The following CPNE4 variants were observed in gnomAD, a reference collection of about 807,000 sequenced individuals.
The protein encoded by CPNE4 is copine 4.
Under a neutral mutation model 67.9 loss-of-function variants are expected in CPNE4, and 25 were observed. The observed-to-expected ratio is 0.37, with a 90% CI of 0.27 to 0.51. The LOEUF is 0.51. CPNE4 is among the 20% of genes least tolerant of loss of function. The pLI, the probability that CPNE4 is intolerant of heterozygous loss-of-function variation, is 0.93. For missense variants in CPNE4, 464 were observed against 690.8 expected (o/e 0.67, Z 3.68); for synonymous variants, 242 against 244.9 (o/e 0.99, Z 0.11).
At position 131,629,478 on chromosome 3, in the gene CPNE4, C is replaced by G. The variant is rs139170926; in HGVS notation, c.681+40197G>C. Among the ~76,000 whole-genome samples, 1,280 of 152,156 alleles carry G rather than the reference C, an allele frequency of 8.4e-3. 16 individuals carry two copies. Among genetic ancestry groups the G allele is most frequent in the African/African-American group, 0.029 (1,189 of 41,466 alleles). On this transcript the variant is annotated intron_variant, in intron 7 of 15. Transcript: ENST00000429747. The stretch of plus-strand genomic sequence containing the variant: ...CTTTTTTTTGACACAGAGTCTCACT[C>G]TGTTGCCTAGGTTGGAGTGCGGTGG...
intron 3 of CPNE4, among the ~76,000 whole-genome samples, chr3:131,722,074 G>A (rs1290131295): frequency 6.6e-6 from 1 of 152,186 alleles, no homozygotes; most frequent in African/African-American, 2.4e-5. Context: ...GGGGAACAGA[G>A]GACACTGTCT....
At chr3:131,791,101 T>G (rs551030596) in intron 2 of CPNE4, among the ~76,000 whole-genome samples, 3 of 152,314 alleles carry the variant, frequency 2.0e-5, no homozygotes, top group African/African-American at 7.2e-5. Flanking sequence ...GCAGCTTTAA[T>G]GAGATGAATG....
chr3:131,538,476 A>T (rs78170453), intron 15 of CPNE4, among the ~76,000 whole-genome samples: 1,641 of 152,324 alleles, frequency 0.011, 26 homozygotes, highest in South Asian at 0.055. Flanking sequence ...TGGTAATAAC[A>T]GTAATAAAAG....
chr3:131,808,801 A>C (rs1450336136), intron 2 of CPNE4, among the ~76,000 whole-genome samples: 1 of 152,228 alleles, frequency 6.6e-6, no homozygotes, highest in Non-Finnish European at 1.5e-5. Context: ...TATAAAATGG[A>C]AAAGAATAAA....
chr3:131,970,811 G>A (rs1181418567), intron 1 of CPNE4, among the ~76,000 whole-genome samples: 3 of 152,180 alleles, frequency 2.0e-5, no homozygotes, highest in Non-Finnish European at 4.4e-5. Flanking sequence ...GAGGATTGTT[G>A]TTACTTCCCA....
chr3:131,815,791 G>A (rs1365094237), intron 2 of CPNE4, among the ~76,000 whole-genome samples: 5 of 152,182 alleles, frequency 3.3e-5, no homozygotes, highest in East Asian at 1.9e-4. Context: ...AAGGGGTTGC[G>A]ATCAGGAGGC....
intron 2 of CPNE4, among the ~76,000 whole-genome samples, chr3:131,851,916 C>G (rs1277398644): frequency 6.6e-6 from 1 of 151,980 alleles, no homozygotes; most frequent in African/African-American, 2.4e-5. Flanking sequence ...GGATTCCAGC[C>G]CTTTCCTGAT....
rs1182234055 is a variant in CPNE4 at position 132,034,733 on chromosome 3, G to C, written c.-168C>G. 2.0e-6 allele frequency: 2 copies of C among 985,216 alleles called. No individual in the cohort carries two copies. Among genetic ancestry groups the C allele is most frequent in the African/African-American group, 3.5e-5 (2 of 57,144 alleles). The allele number at this position is 985,216 out of a possible 1,614,324, so 61.0% of individuals were successfully genotyped here. ...CTTCCCCTCTCGTCCTCCGAGGTCAGTTTAGCAACAGCGGCTGGGAAAGGT... is the reference window on the plus strand; with the variant it reads ...CTTCCCCTCTCGTCCTCCGAGGTCACTTTAGCAACAGCGGCTGGGAAAGGT... On this transcript the variant is annotated 5_prime_UTR_variant, in exon 1 of 16. Transcript: ENST00000429747.
At chr3:131,909,305 G>C (rs892957616) in intron 1 of CPNE4, among the ~76,000 whole-genome samples, 8 of 152,120 alleles carry the variant, frequency 5.3e-5, no homozygotes, top group Non-Finnish European at 1.5e-5. Context: ...TCTTTCCAAA[G>C]CATCAGCTGG....
chr3:131,718,197 G>A (rs1036972841), intron 3 of CPNE4, among the ~76,000 whole-genome samples: 2 of 151,936 alleles, frequency 1.3e-5, no homozygotes, highest in Non-Finnish European at 2.9e-5. Context: ...GTTTCACTAT[G>A]TTGTCCAGGC....
intron 1 of CPNE4, among the ~76,000 whole-genome samples, chr3:132,017,122 T>C (rs2073904476): frequency 6.6e-6 from 1 of 152,144 alleles, no homozygotes; most frequent in South Asian, 2.1e-4. Context: ...GAAGGAAAAG[T>C]AATCAAAATT....
intron 2 of CPNE4, among the ~76,000 whole-genome samples, chr3:131,770,539 A>G (rs1406682490): frequency 6.6e-6 from 1 of 152,236 alleles, no homozygotes; most frequent in Non-Finnish European, 1.5e-5. Context: ...AGGTGGAGCC[A>G]GCAACAAGAG....
intron 2 of CPNE4, among the ~76,000 whole-genome samples, chr3:131,729,132 TCCTGGAGAAATTCAGGC>T (rs1456196504): frequency 6.6e-6 from 1 of 152,076 alleles, no homozygotes; most frequent in Non-Finnish European, 1.5e-5. Context: ...CTCTAAGGTT[TCCTGGAGAAATTCAGGC>T]CCTTATCATC....
chr3:131,969,252 T>C (rs1405932580), intron 1 of CPNE4, among the ~76,000 whole-genome samples: 2 of 152,150 alleles, frequency 1.3e-5, no homozygotes, highest in South Asian at 2.1e-4. Context: ...AAATACCTAA[T>C]GCATGCGGGT....
intron 3 of CPNE4, among the ~76,000 whole-genome samples, chr3:131,703,158 A>G (rs2081342539): frequency 6.6e-6 from 1 of 152,212 alleles, no homozygotes; most frequent in Non-Finnish European, 1.5e-5. Context: ...CAGCTGTAGC[A>G]ACTGCACCCA....
At chr3:132,001,672 A>T (rs2073454848) in intron 1 of CPNE4, among the ~76,000 whole-genome samples, 1 of 152,166 alleles carries the variant, frequency 6.6e-6, no homozygotes, top group African/African-American at 2.4e-5. Flanking sequence ...TATTCGATTC[A>T]AAGCAACAAT....
chr3:132,017,525 T>C (rs7626597), intron 1 of CPNE4: 84,668 of 151,944 alleles, frequency 0.56, 24,168 homozygotes, highest in Middle Eastern at 0.64. Flanking sequence ...TCTTGGTGTC[T>C]TAGAGGGCAC....
intron 14 of CPNE4, among the ~76,000 whole-genome samples, chr3:131,547,051 A>C (rs1031417112): frequency 6.6e-6 from 1 of 152,208 alleles, no homozygotes; most frequent in Admixed American, 6.5e-5. Flanking sequence ...TCTTGCATCT[A>C]TGAAGGTTCA....
At chr3:131,733,414 TA>T (rs1223743249) in intron 2 of CPNE4, among the ~76,000 whole-genome samples, 1 of 152,224 alleles carries the variant, frequency 6.6e-6, no homozygotes, top group African/African-American at 2.4e-5. Flanking sequence ...TCCACTTGGC[TA>T]AAGCCCCCCT....
Sources: allele counts gnomAD v4.1 joint callset (sites outside exome capture counted in the v4.1 genomes callset), GRCh38; gene constraint gnomAD v4.1.1; transcripts MANE v1.5; gene names NCBI Gene and HGNC (gene_info 2026-07-23, HGNC 2026-07-21).